BCOR: variants seen among roughly 807,000 people sequenced by gnomAD.
The protein encoded by BCOR is BCL6 corepressor, also known as BCL-6 corepressor.
Under a neutral mutation model 86.7 loss-of-function variants are expected in BCOR, and 10 were observed. The ratio of observed to expected loss-of-function variants is 0.12; its 90% CI spans 0.07 to 0.20. The LOEUF (loss-of-function observed/expected upper bound fraction) is 0.20, where lower values mean the gene tolerates loss of function less well. BCOR is among the 10% of genes least tolerant of loss of function. BCOR has a pLI of 1.00. For missense variants in BCOR, 1,259 were observed against 1,452.1 expected (o/e 0.87, Z 2.16); for synonymous variants, 611 against 609.0 (o/e 1.00, Z -0.05).
At chrX:40,068,372 G>C (rs1935304256) in intron 6 of BCOR, among the ~76,000 whole-genome samples, 1 of 112,192 alleles carries the variant, frequency 8.9e-6, no homozygotes, top group African/African-American at 3.2e-5. Flanking sequence ...CAGAGGCATT[G>C]GTAGTCATCT....
chrX:40,169,777 G>C (rs898359575), intron 1 of BCOR, among the ~76,000 whole-genome samples: 6 of 111,421 alleles, frequency 5.4e-5, no homozygotes, highest in Admixed American at 1.9e-4. Flanking sequence ...GGGAAGAACC[G>C]AGACTGCTGG....
At chrX:40,126,522 CAA>C (rs111701164) in intron 1 of BCOR, among the ~76,000 whole-genome samples, 2,958 of 71,447 alleles carry the variant, frequency 0.041, 113 homozygotes, top group African/African-American at 0.11. Flanking sequence ...AAAATTCCGT[CAA>C]AAAAAAAAAA....
chrX:40,153,347 G>T (rs1349122030), intron 1 of BCOR, among the ~76,000 whole-genome samples: 1 of 112,584 alleles, frequency 8.9e-6, no homozygotes, highest in Non-Finnish European at 1.9e-5. Flanking sequence ...GGGGACAGCT[G>T]AAATGTCTTT....
intron 12 of BCOR, 89 bp from the exon 13 acceptor site, chrX:40,054,422 A>G (rs967009283): frequency 8.8e-6 from 6 of 679,832 alleles, no homozygotes; most frequent in African/African-American, 2.1e-5. Context: ...TTTCCTATAC[A>G]TTCATGACAG....
intron 1 of BCOR, among the ~76,000 whole-genome samples, chrX:40,142,320 A>G (rs1047142268): frequency 8.9e-6 from 1 of 111,849 alleles, no homozygotes; most frequent in Admixed American, 9.5e-5. Context: ...GATTTCCTCC[A>G]CTGGGTTAAA....
intron 1 of BCOR, among the ~76,000 whole-genome samples, chrX:40,094,929 TC>T (rs1167370156): frequency 1.8e-5 from 2 of 112,195 alleles, no homozygotes; most frequent in African/African-American, 6.5e-5. Flanking sequence ...GGAGAACACT[TC>T]CTAATTAACT....
intron 1 of BCOR, among the ~76,000 whole-genome samples, chrX:40,130,112 CT>C (rs113755634): frequency 4.5e-5 from 5 of 111,807 alleles, no homozygotes; most frequent in African/African-American, 1.6e-4. Context: ...ATGACTCTGC[CT>C]CCCCTGCCCC....
At chrX:40,081,088 G>C (rs753847709) in intron 1 of BCOR, among the ~76,000 whole-genome samples, 1 of 111,628 alleles carries the variant, frequency 9.0e-6, no homozygotes, top group African/African-American at 3.2e-5. Context: ...GCCACTGCCA[G>C]CCATAATTTC....
In BCOR at chrX:40,074,887, A is replaced by G; in HGVS notation, c.459T>C (p.Pro153=). Residue 153 remains proline, a synonymous_variant, in exon 4 of 15, where the codon CCT becomes CCC. Transcript: ENST00000378444. ...TGGCTACAGCACTTTTTTGTATTCCAGGCGGTGTTTTGTATATAGCACTGA... is the reference window on the plus strand; with the variant it reads ...TGGCTACAGCACTTTTTTGTATTCCGGGCGGTGTTTTGTATATAGCACTGA... ...NGFSAIYKTP[P]GIQKSAVATA... 8.3e-7 allele frequency: 1 copy of G among 1,210,768 alleles called. No individual in the cohort carries two copies. Among genetic ancestry groups the G allele is most frequent in the Non-Finnish European group, 1.1e-6 (1 of 895,237 alleles).
rs1488713571 is a variant in BCOR at position 40,097,886 on chromosome X, G to A, written c.-712C>T. Among the ~76,000 whole-genome samples, 1 of 107,955 alleles carries A rather than the reference G, an allele frequency of 9.3e-6. No individual in the cohort carries two copies. The highest frequency in any genetic ancestry group is 9.6e-5 in the Admixed American group (1 of 10,397). 93.7% of individuals were successfully genotyped at this position (107,955 alleles called of 115,157 possible). On this transcript the variant is annotated 5_prime_UTR_variant, in exon 1 of 15. Transcript: ENST00000378444. ...GCTCCTGCGCGTCTCCCCCGCAGCC[G>A]CCGAGCTCGGCCCGCGTTCAGCGAG...
At chrX:40,109,643 C>G (rs1473406524) in intron 1 of BCOR, among the ~76,000 whole-genome samples, 1 of 111,586 alleles carries the variant, frequency 9.0e-6, no homozygotes, top group Non-Finnish European at 1.9e-5. Context: ...CCCCGGAGCC[C>G]CCGCGCCTCC....
At chrX:40,176,454 C>T (rs1938755939) in intron 1 of BCOR, among the ~76,000 whole-genome samples, 1 of 112,381 alleles carries the variant, frequency 8.9e-6, no homozygotes, top group African/African-American at 3.2e-5. Context: ...CCGGTCGTTC[C>T]GGGATTTGCG....
At chrX:40,156,185 G>A (rs1228260229) in intron 1 of BCOR, among the ~76,000 whole-genome samples, 4 of 112,868 alleles carry the variant, frequency 3.5e-5, no homozygotes, top group Non-Finnish European at 7.5e-5. Context: ...AGCCGGCGAT[G>A]GGTTGGGGGG....
At chrX:40,109,604 G>A (rs1239087566) in intron 1 of BCOR, among the ~76,000 whole-genome samples, 1 of 111,152 alleles carries the variant, frequency 9.0e-6, no homozygotes, top group Non-Finnish European at 1.9e-5. Context: ...ACCCTCCGGG[G>A]CCCGGACGGG....
At chrX:40,130,216 T>C (rs1010184746) in intron 1 of BCOR, among the ~76,000 whole-genome samples, 4 of 111,081 alleles carry the variant, frequency 3.6e-5, no homozygotes, top group Non-Finnish European at 7.6e-5. Context: ...TGCACCCCAA[T>C]TCCCTCCTTG....
chrX:40,076,033 A>G (rs949180851), intron 3 of BCOR, among the ~76,000 whole-genome samples: 21 of 111,884 alleles, frequency 1.9e-4, no homozygotes, highest in African/African-American at 5.9e-4. Context: ...CCTCATTTCT[A>G]TATCAATATA....
intron 1 of BCOR, among the ~76,000 whole-genome samples, chrX:40,086,707 C>T (rs1936375757): frequency 8.8e-6 from 1 of 113,935 alleles, no homozygotes; most frequent in African/African-American, 3.2e-5. Context: ...GCGCCAACAG[C>T]TGTCACATTA....
At chrX:40,101,884 G>A (rs531773077), upstream of BCOR, among the ~76,000 whole-genome samples, 3 of 112,662 alleles carry the variant, frequency 2.7e-5, no homozygotes, top group South Asian at 1.1e-3. Flanking sequence ...TACAGATAAT[G>A]TATTTTTACA....
At chrX:40,171,904 T>C (rs1938630407) in intron 1 of BCOR, among the ~76,000 whole-genome samples, 1 of 112,690 alleles carries the variant, frequency 8.9e-6, no homozygotes, top group African/African-American at 3.2e-5. Flanking sequence ...CGCGGGCTGA[T>C]GCGCTCTCTC....
Sources: gnomAD v4.1 joint callset for allele counts (sites outside exome capture counted in the v4.1 genomes callset) on GRCh38, gnomAD v4.1.1 for gene constraint, MANE v1.5 for transcripts, NCBI Gene and HGNC (gene_info 2026-07-23, HGNC 2026-07-21) for gene names.